ARL9: variants seen among roughly 807,000 people sequenced by gnomAD.
ARL9 encodes the protein ARF like GTPase 9.
Under a neutral mutation model 27.0 loss-of-function variants are expected in ARL9, and 14 were observed. The ratio of observed to expected loss-of-function variants is 0.52; its 90% CI spans 0.34 to 0.81. The LOEUF is 0.81. Among genes scored for constraint, ARL9 ranks in the 30% least tolerant of loss-of-function variants. The probability of loss-of-function intolerance (pLI) is 0.01; values close to 1 mark genes in which losing one functional copy is unlikely to be tolerated. For missense variants in ARL9, 294 were observed against 290.0 expected, an observed-to-expected ratio of 1.01 and a Z score of -0.10; for synonymous variants, 106 against 108.7, an observed-to-expected ratio of 0.98 and a Z score of 0.15.
intron 1 of ARL9, 81 bp from the exon 2 acceptor site, chr4:56,511,103 GA>G: frequency 7.6e-7 from 1 of 1,320,732 alleles, no homozygotes; most frequent in South Asian, 1.6e-5. Flanking sequence ...ACAGTTCCAA[GA>G]ATATTATTGG....
In ARL9 at chr4:56,511,272, C is replaced by T; in HGVS notation, c.367C>T (p.His123Tyr). 6.2e-7 allele frequency: 1 copy of T among 1,613,904 alleles called. No individual in the cohort carries two copies. Residue 123 changes from histidine (H) to tyrosine (Y), a missense_variant, in exon 2 of 4, where the codon CAC becomes TAC. Coordinates refer to ENST00000640821, the MANE Select transcript of ARL9 (RefSeq NM_001363794.2). Reference protein sequence around the residue: ...LHSLASNRVQHSVAPTQGFHA... With the variant: ...LHSLASNRVQYSVAPTQGFHA... ...CTCTCTAGCTTCAAACAGAGTCCAG[C>T]ACAGTGTGGCACCCACCCAAGGTTT...
At position 56,514,350 on chromosome 4, in the gene ARL9, G is replaced by A. The variant is rs142614125; in HGVS notation, c.442+3003G>A. 3.8e-4 allele frequency among the ~76,000 whole-genome samples: 58 copies of A among 152,262 alleles called. 1 individual carries two copies. The East Asian group carries it at 0.011, about 28-fold the overall frequency. On this transcript the variant is annotated intron_variant, in intron 2 of 3. Coordinates refer to ENST00000640821, the MANE Select transcript of ARL9 (RefSeq NM_001363794.2). ...GTAGAGGGGGAGATAATAAAGACAC[G>A]AAGCCAATGAAATTGATGAAGACAC...
intron 3 of ARL9, among the ~76,000 whole-genome samples, chr4:56,522,472 G>C (rs1248912796): frequency 6.6e-6 from 1 of 151,832 alleles, no homozygotes; most frequent in African/African-American, 2.4e-5. Context: ...ACAATATTAG[G>C]TTATTTCCAG....
At chr4:56,510,672 C>T (rs796574762) in intron 1 of ARL9, among the ~76,000 whole-genome samples, 3 of 151,888 alleles carry the variant, frequency 2.0e-5, no homozygotes, top group African/African-American at 7.2e-5. Context: ...GGATAGAGGA[C>T]GGATGTGAAA....
At chr4:56,518,532 G>C in intron 2 of ARL9, 146 bp from the exon 3 acceptor site, 1 of 678,894 alleles carries the variant, frequency 1.5e-6, no homozygotes, top group African/African-American at 1.8e-5. Context: ...TGGTCACTCT[G>C]AGGACTGGGT....
chr4:56,519,053 G>A (rs563693547), intron 3 of ARL9, among the ~76,000 whole-genome samples, 200 bp downstream of exon 3: 1 of 152,180 alleles, frequency 6.6e-6, no homozygotes, highest in South Asian at 2.1e-4. Flanking sequence ...ATACTGTCTT[G>A]TGCATGCTAG....
chr4:56,508,069 A>G (rs9312675), intron 1 of ARL9, among the ~76,000 whole-genome samples: 60,430 of 151,888 alleles, frequency 0.4, 13,111 homozygotes, highest in East Asian at 0.66. Context: ...TGGGGGGAAT[A>G]TGTATCTTAG....
Position 56,518,554 on chromosome 4 carries a change from C to T in ARL9, c.443-124C>T, listed in dbSNP as rs942199202. 32 of 825,428 alleles carry T rather than the reference C, an allele frequency of 3.9e-5. No individual in the cohort carries two copies. The Middle Eastern group carries it at 2.0e-3, about 51-fold the overall frequency. The allele number at this position is 825,428 out of a possible 1,614,324, so 51.1% of individuals were successfully genotyped here. A position where few individuals can be genotyped will look rare whatever the true frequency, so the allele number is the denominator to read the frequency against. Reference sequence around the variant, plus strand: ...TCTGAGGACTGGGTACACTCTAACACGGTGATATTTTATCAAAACACCTGT... The same window carrying T: ...TCTGAGGACTGGGTACACTCTAACATGGTGATATTTTATCAAAACACCTGT... On this transcript the variant is annotated intron_variant, in intron 2 of 3. Transcript: ENST00000640821.
At chr4:56,514,879 A>T (rs1438943630) in intron 2 of ARL9, among the ~76,000 whole-genome samples, 1 of 152,244 alleles carries the variant, frequency 6.6e-6, no homozygotes, top group African/African-American at 2.4e-5. Flanking sequence ...AAATTGTAGT[A>T]AACTAAATTC....
At position 56,524,213 on chromosome 4, in the gene ARL9, G is replaced by T. The variant is rs117702751; in HGVS notation, c.*337G>T. 371 of 185,490 alleles carry T rather than the reference G, an allele frequency of 2.0e-3. 12 individuals are homozygous for T. The South Asian group carries it at 0.045, about 23-fold the overall frequency. The allele number at this position is 185,490 out of a possible 1,614,324, so 11.5% of individuals were successfully genotyped here. On this transcript the variant is annotated 3_prime_UTR_variant, in exon 4 of 4. Coordinates refer to ENST00000640821, the MANE Select transcript of ARL9 (RefSeq NM_001363794.2). ...TCTAAAGATGATTTAAAATACACGA[G>T]TAGAAGTGTGTAGGTTATATGTAAA...
rs1721632158 is a variant in ARL9, at chr4:56,511,338, T to C, written c.433T>C (p.Phe145Leu). Residue 145 changes from phenylalanine to leucine, a missense_variant, in exon 2 of 4, where the codon TTC (phenylalanine) becomes CTC (leucine). Transcript: ENST00000640821. ...CINTEDSQMEFLEIGGSKPFR... is the reference protein window; with the variant it reads ...CINTEDSQMELLEIGGSKPFR... ...CAACACTGAAGACAGCCAGATGGAG[T>C]TCCTGGAGAGTAAGCTCTCTGTTCC... The C allele has an allele frequency of 6.2e-7, 1 of 1,612,156 alleles. No homozygotes were observed. Among genetic ancestry groups the C allele is most frequent in the African/African-American group, 1.3e-5 (1 of 74,958 alleles).
In ARL9 at chr4:56,505,951, AAAG is replaced by A; in HGVS notation, c.92_94del (p.Arg31del). On this transcript the variant is annotated inframe_deletion, in exon 1 of 4. Transcript: ENST00000640821. Reference sequence around the variant, plus strand: ...GAAAAGGGTAGGGAAGAGAAAGTGAAAAGAAAGGAGGTGGAGCAGAAAATTAAA... The same window carrying A: ...GAAAAGGGTAGGGAAGAGAAAGTGAAAAAGGAGGTGGAGCAGAAAATTAAA... The A allele has an allele frequency of 8.2e-7, 1 of 1,221,414 alleles. No individual in the cohort carries two copies. Among genetic ancestry groups the A allele is most frequent in the Non-Finnish European group, 1.0e-6 (1 of 976,874 alleles). The allele number at this position is 1,221,414 out of a possible 1,614,324, so 75.7% of individuals were successfully genotyped here.
chr4:56,516,101 C>T (rs6832278), intron 2 of ARL9, among the ~76,000 whole-genome samples: 2,150 of 152,124 alleles, frequency 0.014, 60 homozygotes, highest in African/African-American at 0.049. Flanking sequence ...ATAAACAAAA[C>T]GACCAAAGGA....
Position 56,506,768 on chromosome 4 carries a change from T to C in ARL9, c.279+627T>C, listed in dbSNP as rs1210068441. The C allele has an allele frequency of 1.4e-5, 9 of 658,274 alleles. No homozygotes were observed. In the East Asian group the frequency reaches 1.1e-3, roughly 80 times the overall value. 40.8% of individuals were successfully genotyped at this position (658,274 alleles called of 1,614,324 possible). A position where few individuals can be genotyped will look rare whatever the true frequency, so the allele number is the denominator to read the frequency against. ...GAGCTGCGCTCTGGTTCTAAACAAT[T>C]ATGAATGATTAACACAGTTGTGTGT... On this transcript the variant is annotated intron_variant, in intron 1 of 3. Transcript: ENST00000640821.
In ARL9 at chr4:56,518,730, A is replaced by G. The variant is rs1721835860; in HGVS notation, c.495A>G (p.Gly165=). The stretch of plus-strand genomic sequence containing the variant: ...ACTGGGAAATGTACCTATCCAAGGG[A>G]TTGCTGCTGATCTTTGTGGTGGATT... The part of the protein sequence containing the change: ...RSYWEMYLSK[G]LLLIFVVDSA... Residue 165 remains glycine (G), a synonymous_variant, in exon 3 of 4, where the codon GGA becomes GGG. Coordinates refer to ENST00000640821, the MANE Select transcript of ARL9 (RefSeq NM_001363794.2). 1.2e-6 allele frequency: 2 copies of G among 1,613,828 alleles called. No homozygotes were observed. The highest frequency in any genetic ancestry group is 2.2e-5 in the South Asian group (2 of 91,074).
At chr4:56,518,627 G>A (rs1421727925) in intron 2 of ARL9, 51 bp from the exon 3 acceptor site, 10 of 1,536,310 alleles carry the variant, frequency 6.5e-6, no homozygotes, top group Middle Eastern at 1.7e-4. Flanking sequence ...CTGGGTGGGT[G>A]CTTCTGTGAT....
At chr4:56,520,512 A>ATG (rs1460051318) in intron 3 of ARL9, among the ~76,000 whole-genome samples, 1 of 152,036 alleles carries the variant, frequency 6.6e-6, no homozygotes, top group African/African-American at 2.4e-5. Flanking sequence ...GGAGGGAGGA[A>ATG]TGTGTAGTTA....
At chr4:56,506,529 A>C (rs538708372) in intron 1 of ARL9, 19 of 622,974 alleles carry the variant, frequency 3.0e-5, no homozygotes, top group Non-Finnish European at 3.6e-5. Context: ...CCCCACACGC[A>C]GGCCCTCTTT....
chr4:56,514,774 A>G (rs974784805), intron 2 of ARL9, among the ~76,000 whole-genome samples: 4 of 152,144 alleles, frequency 2.6e-5, no homozygotes, highest in Non-Finnish European at 4.4e-5. Context: ...AGAATAGGGG[A>G]AAAAAAGAAA....
Sources: gnomAD v4.1 joint callset for allele counts (sites outside exome capture counted in the v4.1 genomes callset) on GRCh38, gnomAD v4.1.1 for gene constraint, MANE v1.5 for transcripts, NCBI Gene and HGNC (gene_info 2026-07-23, HGNC 2026-07-21) for gene names.